The following STRADA variants were observed in gnomAD, a reference collection of about 807,000 sequenced individuals.
The protein encoded by STRADA is STE20 related adaptor alpha, also known as STE20-related kinase adapter protein alpha.
Under a neutral mutation model 55.0 loss-of-function variants are expected in STRADA, and 26 were observed. The observed-to-expected ratio is 0.47, with a 90% CI of 0.35 to 0.66. STRADA has a LOEUF of 0.66. STRADA is among the 30% of genes least tolerant of loss of function. STRADA has a pLI of 0.01. For synonymous variants in STRADA, 197 were observed against 210.9 expected, an observed-to-expected ratio of 0.93 and a Z score of 0.57; for missense variants, 443 against 549.7, an observed-to-expected ratio of 0.81 and a Z score of 1.94.
intron 10 of STRADA, chr17:63,706,372 A>G (rs1045753477): frequency 2.6e-6 from 1 of 387,908 alleles, no homozygotes; most frequent in Non-Finnish European, 4.6e-6. Flanking sequence ...TATGTTTTAA[A>G]TAGACATGTA....
intron 9 of STRADA, 151 bp downstream of exon 9, chr17:63,707,096 G>T: frequency 2.1e-6 from 2 of 939,050 alleles, no homozygotes; most frequent in Non-Finnish European, 3.2e-6. Context: ...ATCTGCAGTG[G>T]ACAGGCGCTG....
intron 1 of STRADA, among the ~76,000 whole-genome samples, chr17:63,731,564 G>A (rs899177195): frequency 6.6e-6 from 1 of 151,462 alleles, no homozygotes; most frequent in East Asian, 1.9e-4. Context: ...GCGCCTGGCC[G>A]GCCCTGATAT....
At chr17:63,719,362 C>T (rs999267032) in intron 4 of STRADA, among the ~76,000 whole-genome samples, 1 of 152,170 alleles carries the variant, frequency 6.6e-6, no homozygotes, top group Non-Finnish European at 1.5e-5. Context: ...GCTCTCTAAG[C>T]AAACTCCTTA....
intron 1 of STRADA, among the ~76,000 whole-genome samples, chr17:63,729,072 C>G (rs2037852423): frequency 6.6e-6 from 1 of 152,016 alleles, no homozygotes; most frequent in Non-Finnish European, 1.5e-5. Flanking sequence ...CTTATAGAGA[C>G]AGGGTCTCTC....
Position 63,704,616 on chromosome 17 carries a change from CGGGTGGGGGGGGG to C in STRADA, c.859-47_859-35del. The C allele has an allele frequency of 4.8e-6, 3 of 626,324 alleles. No homozygotes were observed. In the South Asian group the frequency reaches 1.7e-4, roughly 35 times the overall value. The allele number at this position is 626,324 out of a possible 1,614,324, so 38.8% of individuals were successfully genotyped here. The stretch of plus-strand genomic sequence containing the variant: ...GACAGAACCAGGACCTGGGCTGTAG[CGGGTGGGGGGGGG>C]GGGTGGTCCCTGGAAGGCCTGAGAG... On this transcript the variant is annotated intron_variant, in intron 10 of 12. Coordinates refer to ENST00000336174, the MANE Select transcript of STRADA (RefSeq NM_001003787.4).
intron 6 of STRADA, among the ~76,000 whole-genome samples, chr17:63,712,873 C>T (rs929859765): frequency 1.3e-5 from 2 of 148,766 alleles, no homozygotes; most frequent in Admixed American, 6.7e-5. Context: ...TGGTGGTGTG[C>T]GCCTATAGTC....
At chr17:63,732,115 G>A (rs944739019) in intron 1 of STRADA, among the ~76,000 whole-genome samples, 5 of 152,010 alleles carry the variant, frequency 3.3e-5, no homozygotes, top group African/African-American at 7.2e-5. Flanking sequence ...TGATCCACCC[G>A]CCTCGGCCTC....
intron 2 of STRADA, chr17:63,727,198 G>A (rs1376542727): frequency 1.3e-5 from 2 of 156,754 alleles, no homozygotes; most frequent in African/African-American, 4.8e-5. Flanking sequence ...GTTCACAAGG[G>A]CCAAACTAGT....
intron 1 of STRADA, among the ~76,000 whole-genome samples, chr17:63,738,320 G>T (rs1457616986): frequency 6.1e-5 from 8 of 131,040 alleles, no homozygotes; most frequent in Admixed American, 5.1e-4. Flanking sequence ...CAGCCTGGGC[G>T]ACAGAGCGAG....
Position 63,728,391 on chromosome 17 carries a change from A to T in STRADA, c.-22T>A, listed in dbSNP as rs779323539. The T allele has an allele frequency of 1.3e-6, 2 of 1,592,776 alleles. No homozygotes were observed. Among genetic ancestry groups the T allele is most frequent in the Admixed American group, 3.5e-5 (2 of 56,598 alleles). On this transcript the variant is annotated 5_prime_UTR_variant, in exon 2 of 13. Transcript: ENST00000336174. ...ACATGAGTTCCTACTGTGTAGGCCT[A>T]CTTCAGTTTCAAAAACTTAAACCTA...
Position 63,726,696 on chromosome 17 carries a change from C to T in STRADA, c.37-1G>A. On this transcript the variant is annotated splice_acceptor_variant, in intron 2 of 12. Coordinates refer to ENST00000336174, the MANE Select transcript of STRADA (RefSeq NM_001003787.4). LOFTEE classifies it high-confidence loss of function. The stretch of plus-strand genomic sequence containing the variant: ...CAATGAACTTTTCCGAGACCCACCG[C>T]TAAAGAGGAAAACCCCAAAGAGAAT... 1 of 1,614,044 alleles carries T rather than the reference C, an allele frequency of 6.2e-7. No individual in the cohort carries two copies. The highest frequency in any genetic ancestry group is 8.5e-7 in the Non-Finnish European group (1 of 1,179,976).
intron 4 of STRADA, among the ~76,000 whole-genome samples, chr17:63,720,767 T>C (rs1206043447): frequency 7.5e-6 from 1 of 133,030 alleles, no homozygotes; most frequent in Non-Finnish European, 1.6e-5. Flanking sequence ...AGAGCGAGAC[T>C]GTTTAAAAAA....
rs2035894389 is a variant in STRADA, at chr17:63,704,014, GAA to G, written c.1132_1133del (p.Phe378LeufsTer26). 2 of 1,614,020 alleles carry G rather than the reference GAA, an allele frequency of 1.2e-6. No homozygotes were observed. The highest frequency in any genetic ancestry group is 8.5e-7 in the Non-Finnish European group (1 of 1,180,014). ...GAAGGGGCTACGATACCTGCTTGAA[GAA>G]AGAGTGGTTCAGGAGGGTGCTGGCA... ...PSASTLLNHS[F>X]FKQIKRRASE... On this transcript the variant is annotated frameshift_variant, in exon 12 of 13. Transcript: ENST00000336174. LOFTEE classifies it high-confidence loss of function.
intron 2 of STRADA, 84 bp downstream of exon 2, chr17:63,728,250 G>T: frequency 7.0e-7 from 1 of 1,420,000 alleles, no homozygotes; most frequent in Non-Finnish European, 9.9e-7. Context: ...CCCTCACGTA[G>T]AAAACCACCT....
intron 1 of STRADA, among the ~76,000 whole-genome samples, chr17:63,728,903 ATT>A (rs758371854): frequency 1.5e-4 from 22 of 148,916 alleles, no homozygotes; most frequent in East Asian, 4.0e-4. Flanking sequence ...AAAAAAAAAA[ATT>A]TTAATTAATT....
intron 4 of STRADA, among the ~76,000 whole-genome samples, chr17:63,716,352 TC>T (rs1235211656): frequency 3.3e-5 from 5 of 152,164 alleles, no homozygotes; most frequent in Admixed American, 2.6e-4. Context: ...CAGCTTGGCC[TC>T]CCAAAGTGCT....
chr17:63,724,134 A>AT lies in STRADA; in HGVS notation c.95-809dup, dbSNP rs1037908160. ...CAAGGAAAATGCTTTCTTCTTTTTAATTTTTTTTTTAATTTTTTATTTTTT... is the reference window on the plus strand; with the variant it reads ...CAAGGAAAATGCTTTCTTCTTTTTAATTTTTTTTTTTAATTTTTTATTTTTT... On this transcript the variant is annotated intron_variant, in intron 3 of 12. Transcript: ENST00000336174. Among the ~76,000 whole-genome samples the AT allele has an allele frequency of 5.5e-3, 823 of 150,650 alleles. 5 individuals are homozygous for AT. Among genetic ancestry groups the AT allele is most frequent in the African/African-American group, 0.018 (746 of 41,106 alleles).
intron 1 of STRADA, among the ~76,000 whole-genome samples, chr17:63,738,170 G>A (rs577342187): frequency 8.4e-4 from 127 of 151,266 alleles, no homozygotes; most frequent in African/African-American, 1.7e-3. Flanking sequence ...GTGAAACGCC[G>A]TCTCTACTAA....
intron 8 of STRADA, 101 bp from the exon 9 acceptor site, chr17:63,707,519 G>C (rs556941806): frequency 8.9e-7 from 1 of 1,127,364 alleles, no homozygotes; most frequent in Admixed American, 2.0e-5. Context: ...TCCTGTGTGC[G>C]TGTGTTATAC....
Sources: gnomAD v4.1 joint callset for allele counts (sites outside exome capture counted in the v4.1 genomes callset) on GRCh38, gnomAD v4.1.1 for gene constraint, MANE v1.5 for transcripts, NCBI Gene and HGNC (gene_info 2026-07-23, HGNC 2026-07-21) for gene names.